The following MNT variants were observed in gnomAD, a reference collection of about 807,000 sequenced individuals.
The protein encoded by MNT is max-binding protein MNT.
MNT carries 13 observed loss-of-function variants against 40.7 expected under a neutral mutation model. The observed-to-expected ratio is 0.32, with a 90% CI of 0.21 to 0.51. The LOEUF (loss-of-function observed/expected upper bound fraction) is 0.51. Ranked by LOEUF, MNT falls within the 20% of genes least tolerant of loss-of-function variation. The pLI is 0.98. For synonymous variants in MNT, 426 were observed against 354.8 expected (o/e 1.20, Z -2.26); for missense variants, 757 against 792.0 (o/e 0.96, Z 0.53).
chr17:2,393,960 G>T, intron 4 of MNT, 83 bp downstream of exon 4: 2 of 928,102 alleles, frequency 2.2e-6, no homozygotes, highest in Non-Finnish European at 1.5e-6. Context: ...CGGGGCGTGA[G>T]GGCGGGGCGG....
intron 3 of MNT, 24 bp downstream of exon 3, chr17:2,394,281 A>ACACACACACACG (rs2066556991): frequency 7.8e-7 from 1 of 1,276,452 alleles, no homozygotes; most frequent in African/African-American, 1.8e-5. Flanking sequence ...ACGCACGCAC[A>ACACACACACACG]CACACACACA....
chr17:2,393,062 C>T (rs1439657599), intron 4 of MNT, among the ~76,000 whole-genome samples: 4 of 152,020 alleles, frequency 2.6e-5, no homozygotes, highest in African/African-American at 9.7e-5. Flanking sequence ...CGCCACCCCT[C>T]CCACGGGGCC....
rs1026017229 is a variant in MNT, at chr17:2,395,070, G to C, written c.458C>G (p.Ser153Trp). Residue 153 changes from serine (S) to tryptophan (W), a missense_variant, in exon 2 of 6, where the codon TCG (serine) becomes TGG (tryptophan). Coordinates refer to ENST00000174618, the MANE Select transcript of MNT (RefSeq NM_020310.3). Reference protein sequence around the residue: ...VPTPAPLLPDSKATIPPNGSP... With the variant: ...VPTPAPLLPDWKATIPPNGSP... ...GCCATTGGGTGGAATGGTGGCCTTC[G>C]AGTCCGGCAGTAGGGGAGCAGGGGT... The C allele has an allele frequency of 1.3e-6, 2 of 1,541,772 alleles. No individual in the cohort carries two copies. The highest frequency in any genetic ancestry group is 8.7e-7 in the Non-Finnish European group (1 of 1,144,960).
In MNT at chr17:2,395,428, G is replaced by C. The variant is rs556568463; in HGVS notation, c.100C>G (p.Gln34Glu). The C allele has an allele frequency of 1.2e-6, 2 of 1,612,804 alleles. No homozygotes were observed. Among genetic ancestry groups the C allele is most frequent in the East Asian group, 2.2e-5 (1 of 44,858 alleles). Residue 34 changes from glutamine to glutamate, a missense_variant, in exon 2 of 6, where the codon CAG becomes GAG. By Grantham distance (29) the Gln-to-Glu change is conservative (BLOSUM62 2). Transcript: ENST00000174618. ...TTCTTCTGTTCCTGCTCTCGCTCCT[G>C]CTCCAAGCGAAGCCGCTCCTGCTCC... The part of the protein sequence containing the change: ...REEQERLRLE[Q>E]EREQEQKKAN...
rs1335250182 is a variant in MNT, at chr17:2,387,518, G to A, written c.1132C>T (p.Leu378=). ...LPPPSTTPAP[L]PPHPHPHPHS... is the part of the protein sequence containing the mutation. ...GGGTGAGGGTGTGGGTGTGGAGGCA[G>A]AGGCGCAGGGGTGGTGCTGGGGGGT... The change falls in exon 6 of 6, where the codon CTG becomes TTG. Residue 378 remains leucine (L), a synonymous_variant. Coordinates refer to ENST00000174618, the MANE Select transcript of MNT (RefSeq NM_020310.3). The A allele has an allele frequency of 1.2e-6, 2 of 1,613,280 alleles. No individual in the cohort carries two copies. The highest frequency in any genetic ancestry group is 1.7e-6 in the Non-Finnish European group (2 of 1,179,816).
rs2066444200 is a variant in MNT at position 2,384,805 on chromosome 17, A to G, written c.*2096T>C. The G allele has an allele frequency of 6.6e-6, 1 of 152,634 alleles. No individual in the cohort carries two copies. The highest frequency in any genetic ancestry group is 1.5e-5 in the Non-Finnish European group (1 of 68,056). 9.5% of individuals were successfully genotyped at this position (152,634 alleles called of 1,614,324 possible). A position where few individuals can be genotyped will look rare whatever the true frequency, so the allele number is the denominator to read the frequency against. ...AAGAAAAACAGCAACACCCATCGTCACCAATCTGGACATAGTCATTCGGCA... is the reference window on the plus strand; with the variant it reads ...AAGAAAAACAGCAACACCCATCGTCGCCAATCTGGACATAGTCATTCGGCA... On this transcript the variant is annotated 3_prime_UTR_variant, in exon 6 of 6. Transcript: ENST00000174618.
chr17:2,386,964 C>T lies in MNT; in HGVS notation c.1686G>A (p.Val562=). Residue 562 remains valine (V), a synonymous_variant, in exon 6 of 6, where the codon GTG becomes GTA. Coordinates refer to ENST00000174618, the MANE Select transcript of MNT (RefSeq NM_020310.3). ...VHHPQLVGQT[V]LNPVTMVTMP... ...TGGTGACCATGGTCACAGGGTTGAG[C>T]ACGGTCTGGCCCACCAGCTGGGGGT... The T allele has an allele frequency of 6.6e-7, 1 of 1,520,368 alleles. No individual in the cohort carries two copies. Among genetic ancestry groups the T allele is most frequent in the Non-Finnish European group, 8.8e-7 (1 of 1,131,586 alleles). 94.2% of individuals were successfully genotyped at this position (1,520,368 alleles called of 1,614,324 possible). A position where few individuals can be genotyped will look rare whatever the true frequency, so the allele number is the denominator to read the frequency against.
chr17:2,400,318 G>A (rs1291640189), intron 1 of MNT: 1 of 273,474 alleles, frequency 3.7e-6, no homozygotes. Context: ...CCCACCCCCC[G>A]GCTCACACAT....
At chr17:2,397,424 C>T (rs2066585555) in intron 1 of MNT, among the ~76,000 whole-genome samples, 1 of 152,130 alleles carries the variant, frequency 6.6e-6, no homozygotes, top group African/African-American at 2.4e-5. Context: ...ACAGACCTAA[C>T]TTTTCATTGG....
At chr17:2,400,610 G>C in intron 1 of MNT, 30 bp downstream of exon 1, 1 of 1,566,750 alleles carries the variant, frequency 6.4e-7, no homozygotes. Flanking sequence ...CCCTTCCCCA[G>C]TGCCCCAGGG....
intron 4 of MNT, chr17:2,393,830 A>C (rs888454123): frequency 2.4e-5 from 6 of 246,952 alleles, no homozygotes; most frequent in South Asian, 1.7e-4. Context: ...GCGGCGCGGG[A>C]GGGGAGCCGC....
At chr17:2,387,738 G>C in intron 5 of MNT, 89 bp from the exon 6 acceptor site, 1 of 1,568,886 alleles carries the variant, frequency 6.4e-7, no homozygotes, top group Non-Finnish European at 8.7e-7. Flanking sequence ...GTGGGAATGT[G>C]ATGGGGCTGG....
chr17:2,387,442 GGCTGCT>G lies in MNT; in HGVS notation c.1202_1207del (p.Gln401_Gln402del). On this transcript the variant is annotated inframe_deletion, in exon 6 of 6. Transcript: ENST00000174618. ...GGCTGGCAGAGGGGTCTTCTGCTGT[GGCTGCT>G]GCTGCTGCACGGGGAGGTGGGCAGG... 6.2e-7 allele frequency: 1 copy of G among 1,611,306 alleles called. No individual in the cohort carries two copies. Among genetic ancestry groups the G allele is most frequent in the Non-Finnish European group, 8.5e-7 (1 of 1,178,666 alleles).
intron 2 of MNT, 104 bp downstream of exon 2, chr17:2,394,771 G>C: frequency 1.3e-6 from 1 of 757,886 alleles, no homozygotes; most frequent in East Asian, 2.7e-5. Flanking sequence ...TTCAAATACA[G>C]GGGGCACTTC....
chr17:2,389,995 C>T (rs1265323033), intron 4 of MNT: 1 of 152,140 alleles, frequency 6.6e-6, no homozygotes, highest in Non-Finnish European at 1.5e-5. Context: ...CCCCATCTGC[C>T]TGGGCAGTAA....
chr17:2,387,838 C>A lies in MNT; in HGVS notation c.1000+19G>T. The A allele has an allele frequency of 6.3e-7, 1 of 1,579,780 alleles. No individual in the cohort carries two copies. The highest frequency in any genetic ancestry group is 1.7e-5 in the Admixed American group (1 of 57,876). Reference sequence around the variant, plus strand: ...TAACATCTGAGGGCTGGGGGGCCAGCGTGGGGGCTGGGGCTCACCAGAGGC... The same window carrying A: ...TAACATCTGAGGGCTGGGGGGCCAGAGTGGGGGCTGGGGCTCACCAGAGGC... On this transcript the variant is annotated intron_variant, in intron 5 of 5. Coordinates refer to ENST00000174618, the MANE Select transcript of MNT (RefSeq NM_020310.3).
chr17:2,389,825 C>T (rs1157034221), intron 4 of MNT: 1 of 152,434 alleles, frequency 6.6e-6, no homozygotes, highest in Admixed American at 6.5e-5. Flanking sequence ...GGGCTCTTCT[C>T]ACTCCACCCT....
Position 2,394,359 on chromosome 17 carries a change from C to G in MNT, c.654-13G>C, listed in dbSNP as rs761222162. On this transcript the variant is annotated splice_polypyrimidine_tract_variant and intron_variant, in intron 2 of 5. Coordinates refer to ENST00000174618, the MANE Select transcript of MNT (RefSeq NM_020310.3). ...TCTGGTTCCGATCCTGAAACCCAGA[C>G]AGATAGGAGGCTCAGGGAGGAGGAC... The G allele has an allele frequency of 2.5e-6, 4 of 1,613,836 alleles. No homozygotes were observed. The highest frequency in any genetic ancestry group is 1.7e-5 in the Admixed American group (1 of 59,980).
chr17:2,397,415 C>G (rs1305171705), intron 1 of MNT, among the ~76,000 whole-genome samples: 2 of 152,154 alleles, frequency 1.3e-5, no homozygotes, highest in East Asian at 1.9e-4. Flanking sequence ...TTGGCTGACA[C>G]AGACCTAACT....
Sources: gnomAD v4.1 joint callset for allele counts (sites outside exome capture counted in the v4.1 genomes callset) on GRCh38, gnomAD v4.1.1 for gene constraint, MANE v1.5 for transcripts, NCBI Gene and HGNC (gene_info 2026-07-23, HGNC 2026-07-21) for gene names.